AMBRA1: variants seen among roughly 807,000 people sequenced by gnomAD.
AMBRA1 encodes activating molecule in BECN1-regulated autophagy protein 1.
In AMBRA1, 47 loss-of-function variants were observed where a neutral mutation model predicts 125.4. That is an observed-to-expected ratio of 0.37 (90% confidence interval 0.30 to 0.48). The LOEUF (loss-of-function observed/expected upper bound fraction) is 0.48, where lower values mean the gene tolerates loss of function less well. Ranked by LOEUF, AMBRA1 falls within the 20% of genes least tolerant of loss-of-function variation. The probability of loss-of-function intolerance (pLI) is 0.99; values close to 1 mark genes in which losing one functional copy is unlikely to be tolerated. For missense variants in AMBRA1, 1,331 were observed against 1,693.4 expected, an observed-to-expected ratio of 0.79 and a Z score of 3.76; for synonymous variants, 626 against 655.5, an observed-to-expected ratio of 0.95 and a Z score of 0.69.
In AMBRA1 at chr11:46,542,396, C is replaced by A; in HGVS notation, c.1621G>T (p.Glu541Ter). ...GGCTGGTGGGAAGGGCCTGGCCTCT[C>A]AGATTCAATGTTATTGTTGAGCATT... ...QEMLNNNIES[E>*]RPGPSHQPTP... The change falls in exon 7 of 18, where the codon GAG (glutamate) becomes TAG (stop). Residue 541 changes from glutamate (E) to a stop codon, truncating the protein, a stop_gained. Transcript: ENST00000683756. LOFTEE classifies it high-confidence loss of function. This position sits in a 1 kb window ranked among gnomAD's most constrained non-coding sequence, Gnocchi z 5.9. 1 of 1,614,096 alleles carries A rather than the reference C, an allele frequency of 6.2e-7. No individual in the cohort carries two copies.
chr11:46,425,063 G>A (rs990242544), intron 14 of AMBRA1, among the ~76,000 whole-genome samples: 4 of 152,114 alleles, frequency 2.6e-5, no homozygotes, highest in Admixed American at 6.5e-5. Context: ...GAACCCGGGC[G>A]GCAGAGGTTG....
chr11:46,510,976 T>C (rs965964579), intron 8 of AMBRA1, among the ~76,000 whole-genome samples: 9 of 152,234 alleles, frequency 5.9e-5, no homozygotes, highest in Non-Finnish European at 1.3e-4. Context: ...GGAAAAATAC[T>C]TCCTTTTCCA....
chr11:46,588,571 T>C (rs1354126416), intron 1 of AMBRA1, among the ~76,000 whole-genome samples: 2 of 150,822 alleles, frequency 1.3e-5, no homozygotes, highest in African/African-American at 2.4e-5. Context: ...AAGTCAGGAG[T>C]TCGAGACCAG....
intron 17 of AMBRA1, among the ~76,000 whole-genome samples, chr11:46,407,290 G>A (rs1209007632): frequency 6.6e-6 from 1 of 152,186 alleles, no homozygotes; most frequent in Non-Finnish European, 1.5e-5. Context: ...TCGCTGTCAG[G>A]GGTTACTGGG....
At chr11:46,571,197 T>C (rs182148924) in intron 1 of AMBRA1, among the ~76,000 whole-genome samples, 18 of 152,338 alleles carry the variant, frequency 1.2e-4, no homozygotes, top group Admixed American at 9.8e-4. Context: ...AGTGTTCTTC[T>C]ATACAAATCA....
At chr11:46,567,833 C>T (rs967709130) in intron 1 of AMBRA1, among the ~76,000 whole-genome samples, 10 of 152,074 alleles carry the variant, frequency 6.6e-5, no homozygotes, top group South Asian at 2.1e-4. Context: ...CCTAGCCTGC[C>T]GTGTGCCAAA....
chr11:46,403,841 G>A (rs1289059027), intron 17 of AMBRA1, among the ~76,000 whole-genome samples: 1 of 152,126 alleles, frequency 6.6e-6, no homozygotes, highest in Non-Finnish European at 1.5e-5. Context: ...AAAGGGCCAA[G>A]GGGAGTGGGG....
intron 11 of AMBRA1, among the ~76,000 whole-genome samples, chr11:46,449,370 T>C (rs979713118): frequency 6.6e-6 from 1 of 152,188 alleles, no homozygotes; most frequent in Admixed American, 6.5e-5. Flanking sequence ...CTTTCCTATA[T>C]TGCAGCAATG....
chr11:46,471,447 G>T (rs189055804), intron 11 of AMBRA1, among the ~76,000 whole-genome samples: 1 of 151,458 alleles, frequency 6.6e-6, no homozygotes, highest in Non-Finnish European at 1.5e-5. Flanking sequence ...GCATGGTGGC[G>T]GGCGCCTGCA....
At chr11:46,461,476 G>C (rs1185739587) in intron 11 of AMBRA1, among the ~76,000 whole-genome samples, 4 of 152,166 alleles carry the variant, frequency 2.6e-5, no homozygotes, top group African/African-American at 4.8e-5. Context: ...AAACAACTGG[G>C]AATACAAAGG....
chr11:46,521,806 T>A (rs1450242383), intron 7 of AMBRA1, among the ~76,000 whole-genome samples: 2 of 152,174 alleles, frequency 1.3e-5, no homozygotes, highest in Non-Finnish European at 2.9e-5. Flanking sequence ...GCCCCTGATG[T>A]GAGGTGGGCC....
chr11:46,586,099 C>A (rs1457006904), intron 1 of AMBRA1, among the ~76,000 whole-genome samples: 1 of 152,102 alleles, frequency 6.6e-6, no homozygotes, highest in African/African-American at 2.4e-5. Flanking sequence ...CCACTGCACC[C>A]AGCCGAAAAT....
intron 11 of AMBRA1, among the ~76,000 whole-genome samples, chr11:46,456,570 G>C (rs562176929): frequency 4.6e-5 from 7 of 152,276 alleles, no homozygotes; most frequent in Admixed American, 2.0e-4. Flanking sequence ...AAGAAAAAGA[G>C]AGCGACTGAC....
intron 11 of AMBRA1, among the ~76,000 whole-genome samples, chr11:46,471,971 A>G (rs990303685): frequency 6.6e-6 from 1 of 152,150 alleles, no homozygotes. Context: ...TTTCACATCC[A>G]CATTAATTTT....
At chr11:46,515,291 G>T (rs1279881499) in intron 7 of AMBRA1, among the ~76,000 whole-genome samples, 1 of 152,104 alleles carries the variant, frequency 6.6e-6, no homozygotes, top group African/African-American at 2.4e-5. Flanking sequence ...TGGGCAACAT[G>T]GTGAGACTCC....
intron 1 of AMBRA1, among the ~76,000 whole-genome samples, chr11:46,583,075 G>A (rs1006022520): frequency 8.5e-5 from 13 of 152,124 alleles, no homozygotes; most frequent in African/African-American, 3.1e-4. Context: ...AAAGCTGGAG[G>A]CATCACGCTA....
chr11:46,541,070 G>GCA (rs1457224207), intron 7 of AMBRA1, among the ~76,000 whole-genome samples: 2 of 152,350 alleles, frequency 1.3e-5, no homozygotes, highest in Non-Finnish European at 1.5e-5. Context: ...GCAATATGCT[G>GCA]TTTGGATCCA....
At chr11:46,451,267 C>T (rs1006273117) in intron 11 of AMBRA1, among the ~76,000 whole-genome samples, 1 of 152,184 alleles carries the variant, frequency 6.6e-6, no homozygotes, top group African/African-American at 2.4e-5. Flanking sequence ...AACTAAGCTG[C>T]CAAGTCTCAT....
intron 11 of AMBRA1, among the ~76,000 whole-genome samples, chr11:46,449,687 G>C (rs1948476648): frequency 1.3e-5 from 2 of 152,148 alleles, no homozygotes; most frequent in Admixed American, 1.3e-4. Flanking sequence ...AAGTTTATAT[G>C]AAAGGGCAAA....
Sources: gnomAD v4.1 joint callset for allele counts (sites outside exome capture counted in the v4.1 genomes callset) on GRCh38, gnomAD v4.1.1 for gene constraint, Gnocchi (gnomAD v3.1) non-coding constraint, MANE v1.5 for transcripts, NCBI Gene and HGNC (gene_info 2026-07-23, HGNC 2026-07-21) for gene names.